The following VSTM5 variants were observed in gnomAD, a reference collection of about 807,000 sequenced individuals.
VSTM5 encodes the protein V-set and transmembrane domain-containing protein 5.
A neutral mutation model predicts 20.3 loss-of-function variants in VSTM5; 21 were observed. The ratio of observed to expected loss-of-function variants is 1.03; its 90% CI spans 0.73 to 1.49. The LOEUF (loss-of-function observed/expected upper bound fraction) is 1.49, where lower values mean the gene tolerates loss of function less well. Ranked by LOEUF, VSTM5 falls within the 40% of genes most tolerant of loss-of-function variation. VSTM5 has a pLI of 0.00. For synonymous variants in VSTM5, 100 were observed against 102.5 expected (o/e 0.98, Z 0.14); for missense variants, 219 against 250.0 (o/e 0.88, Z 0.84).
At chr11:93,846,662 T>C (rs1206302046) in intron 1 of VSTM5, among the ~76,000 whole-genome samples, 1 of 152,064 alleles carries the variant, frequency 6.6e-6, no homozygotes, top group Non-Finnish European at 1.5e-5. Context: ...TTGAAAGGAA[T>C]GCACTTCCTT....
chr11:93,832,898 T>C (rs1230120031), intron 1 of VSTM5, among the ~76,000 whole-genome samples: 2 of 152,124 alleles, frequency 1.3e-5, no homozygotes, highest in Non-Finnish European at 2.9e-5. Flanking sequence ...AGTATAGAGG[T>C]GGAGTTTTAC....
At chr11:93,850,176 C>CTA (rs1591406188) in intron 1 of VSTM5, among the ~76,000 whole-genome samples, 1 of 152,038 alleles carries the variant, frequency 6.6e-6, no homozygotes, top group East Asian at 1.9e-4. Flanking sequence ...CGGGGCGCCG[C>CTA]GGCCGGTAGC....
At chr11:93,841,344 T>A (rs1386998576) in intron 1 of VSTM5, among the ~76,000 whole-genome samples, 3 of 152,244 alleles carry the variant, frequency 2.0e-5, no homozygotes, top group Admixed American at 1.3e-4. Context: ...AAATCCCTGC[T>A]TTTGCTGCTT....
chr11:93,837,537 C>G (rs1197287209), intron 1 of VSTM5, among the ~76,000 whole-genome samples: 1 of 151,938 alleles, frequency 6.6e-6, no homozygotes, highest in Admixed American at 6.6e-5. Context: ...GAAGTGGGTT[C>G]CAATATCGAT....
At chr11:93,843,113 C>T (rs1944384147) in intron 1 of VSTM5, among the ~76,000 whole-genome samples, 2 of 151,850 alleles carry the variant, frequency 1.3e-5, no homozygotes, top group African/African-American at 2.4e-5. Context: ...AGAATTCAGG[C>T]ACATGCGTAA....
At chr11:93,842,713 G>C (rs1944380199) in intron 1 of VSTM5, among the ~76,000 whole-genome samples, 1 of 152,232 alleles carries the variant, frequency 6.6e-6, no homozygotes, top group Non-Finnish European at 1.5e-5. Context: ...GGAAGATAAG[G>C]GAGAAAATGA....
At chr11:93,825,724 G>A (rs1193590536) in intron 1 of VSTM5, among the ~76,000 whole-genome samples, 3 of 150,878 alleles carry the variant, frequency 2.0e-5, no homozygotes, top group Admixed American at 6.6e-5. Flanking sequence ...TTGTAAATGG[G>A]ACAGGTTTTT....
intron 1 of VSTM5, among the ~76,000 whole-genome samples, chr11:93,849,768 C>T (rs1944442536): frequency 6.6e-6 from 1 of 152,240 alleles, no homozygotes; most frequent in Admixed American, 6.5e-5. Context: ...CGCTTCGCAT[C>T]CAGGCTCACC....
chr11:93,846,637 A>C (rs1402603562), intron 1 of VSTM5, among the ~76,000 whole-genome samples: 2 of 152,260 alleles, frequency 1.3e-5, no homozygotes, highest in South Asian at 2.1e-4. Flanking sequence ...TTATATGATG[A>C]CATATGTAGA....
At chr11:93,846,323 G>C (rs1302345169) in intron 1 of VSTM5, among the ~76,000 whole-genome samples, 1 of 152,208 alleles carries the variant, frequency 6.6e-6, no homozygotes, top group African/African-American at 2.4e-5. Flanking sequence ...GACCAGCAGG[G>C]AGCATACTCA....
At chr11:93,846,236 T>A (rs536454926) in intron 1 of VSTM5, among the ~76,000 whole-genome samples, 3 of 106,622 alleles carry the variant, frequency 2.8e-5, no homozygotes, top group African/African-American at 9.3e-5. Context: ...GAGTCTTACA[T>A]CAGATAAGGG....
chr11:93,824,239 C>A (rs1490383924), intron 1 of VSTM5, among the ~76,000 whole-genome samples: 1 of 152,066 alleles, frequency 6.6e-6, no homozygotes, highest in African/African-American at 2.4e-5. Flanking sequence ...TTTGAGGAAT[C>A]TCCATACTTT....
chr11:93,830,538 C>A (rs185248833), intron 1 of VSTM5, among the ~76,000 whole-genome samples: 2 of 152,346 alleles, frequency 1.3e-5, no homozygotes, highest in Admixed American at 1.3e-4. Context: ...TTTGTAGATG[C>A]TGAAAATATA....
intron 1 of VSTM5, among the ~76,000 whole-genome samples, chr11:93,825,471 G>A (rs963242502): frequency 6.6e-6 from 1 of 152,152 alleles, no homozygotes; most frequent in African/African-American, 2.4e-5. Flanking sequence ...CATCTGGCCT[G>A]CTTTTTTGAT....
At chr11:93,849,098 C>A (rs1010393653) in intron 1 of VSTM5, among the ~76,000 whole-genome samples, 1 of 152,120 alleles carries the variant, frequency 6.6e-6, no homozygotes, top group Non-Finnish European at 1.5e-5. Context: ...ATCGTTCAGT[C>A]ACCTTGTATA....
chr11:93,832,595 T>C (rs901147195), intron 1 of VSTM5, among the ~76,000 whole-genome samples: 2 of 152,180 alleles, frequency 1.3e-5, no homozygotes, highest in African/African-American at 4.8e-5. Context: ...CATGCCAAGA[T>C]TGAGTCTGAG....
At chr11:93,824,284 G>A (rs746377193) in intron 1 of VSTM5, among the ~76,000 whole-genome samples, 3 of 151,932 alleles carry the variant, frequency 2.0e-5, no homozygotes, top group Non-Finnish European at 4.4e-5. Context: ...CATTCCCACC[G>A]ACATTGTGCA....
At chr11:93,827,332 G>A (rs557667564) in intron 1 of VSTM5, among the ~76,000 whole-genome samples, 71 of 152,318 alleles carry the variant, frequency 4.7e-4, no homozygotes, top group East Asian at 1.9e-4. Flanking sequence ...GCAGTGAGCC[G>A]AGATCGTGCC....
rs1046795017 is a variant in VSTM5, at chr11:93,819,658, G to A, written c.*911C>T. ...AAGGGCCTGACTTGAGACGTGAAGTGTTAGTGACTGAGGGGGACAGATGCA... is the reference window on the plus strand; with the variant it reads ...AAGGGCCTGACTTGAGACGTGAAGTATTAGTGACTGAGGGGGACAGATGCA... On this transcript the variant is annotated 3_prime_UTR_variant, in exon 4 of 4. Coordinates refer to ENST00000409977, the MANE Select transcript of VSTM5 (RefSeq NM_001144871.2). The A allele has an allele frequency of 3.9e-4, 60 of 152,322 alleles. No homozygotes were observed. The highest frequency in any genetic ancestry group is 1.4e-3 in the African/African-American group (59 of 41,442). The allele number at this position is 152,322 out of a possible 1,614,324, so 9.4% of individuals were successfully genotyped here.
Sources: allele counts gnomAD v4.1 joint callset (sites outside exome capture counted in the v4.1 genomes callset), GRCh38; gene constraint gnomAD v4.1.1; transcripts MANE v1.5; gene names NCBI Gene and HGNC (gene_info 2026-07-23, HGNC 2026-07-21).